The following RBFOX1 variants were observed in gnomAD, a reference collection of about 807,000 sequenced individuals.
RBFOX1 encodes the protein RNA binding fox-1 homolog 1.
In RBFOX1, 8 loss-of-function variants were observed where a neutral mutation model predicts 57.7. That is an observed-to-expected ratio of 0.14 (90% CI 0.08 to 0.25). RBFOX1 has a LOEUF of 0.25. RBFOX1 is among the 10% of genes least tolerant of loss of function. RBFOX1 has a pLI of 1.00. For synonymous variants in RBFOX1, 326 were observed against 222.4 expected (o/e 1.47, Z -4.15); for missense variants, 611 against 548.5 (o/e 1.11, Z -1.14).
rs368753156 is a variant in RBFOX1 at position 7,585,232 on chromosome 16, A to T, written c.415-2015A>T. ...AAAACTGGAGGTTTCTTTACTATGA[A>T]ATTCAGCTCACGTTTGAATGGCAAA... On this transcript the variant is annotated intron_variant, in intron 6 of 15. Transcript: ENST00000550418. 1.2e-4 allele frequency among the ~76,000 whole-genome samples: 19 copies of T among 152,236 alleles called. No individual in the cohort carries two copies. The East Asian group carries it at 3.1e-3, about 25-fold the overall frequency.
chr16:7,493,480 G>C (rs1037217241), intron 4 of RBFOX1, among the ~76,000 whole-genome samples: 1 of 152,196 alleles, frequency 6.6e-6, no homozygotes, highest in Admixed American at 6.5e-5. Context: ...TTTAAGTAAG[G>C]AGAATTATTT....
chr16:6,528,071 C>G (rs931418220), intron 2 of RBFOX1, among the ~76,000 whole-genome samples: 1 of 152,154 alleles, frequency 6.6e-6, no homozygotes, highest in Non-Finnish European at 1.5e-5. Flanking sequence ...CAAAGATCAA[C>G]AAAATCTTGT....
intron 4 of RBFOX1, among the ~76,000 whole-genome samples, chr16:7,246,971 C>G (rs568258562): frequency 2.6e-5 from 4 of 152,184 alleles, no homozygotes; most frequent in African/African-American, 7.2e-5. Flanking sequence ...TTAGGATACC[C>G]TATGTATTCT....
intron 3 of RBFOX1, among the ~76,000 whole-genome samples, chr16:6,839,370 G>C (rs1272070522): frequency 1.3e-5 from 2 of 152,194 alleles, no homozygotes; most frequent in Non-Finnish European, 2.9e-5. Flanking sequence ...TGGGCAGAAA[G>C]GCTGAGGTTA....
intron 3 of RBFOX1, among the ~76,000 whole-genome samples, chr16:5,673,001 G>T (rs1476533139): frequency 6.6e-6 from 1 of 151,998 alleles, no homozygotes; most frequent in Non-Finnish European, 1.5e-5. Context: ...AACGTGCTTG[G>T]CTGCAGAGAA....
At chr16:6,257,272 T>C (rs1598887510) in intron 1 of RBFOX1, among the ~76,000 whole-genome samples, 1 of 152,026 alleles carries the variant, frequency 6.6e-6, no homozygotes, top group South Asian at 2.1e-4. Context: ...CTCCCCATGA[T>C]GTATTTTATT....
intron 2 of RBFOX1, among the ~76,000 whole-genome samples, chr16:6,528,235 A>G (rs746218092): frequency 9.9e-5 from 15 of 152,168 alleles, no homozygotes; most frequent in Non-Finnish European, 1.9e-4. Context: ...TTTGATGCCA[A>G]TCCCATGGAA....
chr16:5,804,163 A>C (rs2055154259), intron 3 of RBFOX1, among the ~76,000 whole-genome samples: 1 of 152,226 alleles, frequency 6.6e-6, no homozygotes, highest in Admixed American at 6.5e-5. Context: ...GTGTCCTTCA[A>C]GAGAAGCATA....
intron 4 of RBFOX1, among the ~76,000 whole-genome samples, chr16:7,480,070 G>T (rs1157625740): frequency 6.6e-6 from 1 of 152,158 alleles, no homozygotes; most frequent in Non-Finnish European, 1.5e-5. Context: ...CTTCTGAATG[G>T]TCTATGTGAG....
At chr16:7,371,932 G>T (rs1043961661) in intron 4 of RBFOX1, among the ~76,000 whole-genome samples, 9 of 151,748 alleles carry the variant, frequency 5.9e-5, no homozygotes, top group Admixed American at 5.9e-4. Context: ...CTAGGTGGCT[G>T]TGACATACCT....
chr16:7,426,461 T>C (rs1370219995), intron 4 of RBFOX1, among the ~76,000 whole-genome samples: 1 of 152,186 alleles, frequency 6.6e-6, no homozygotes. Context: ...TAGCTAATGA[T>C]AGTTTTCAAG....
chr16:6,851,389 A>C (rs1273022261), intron 3 of RBFOX1, among the ~76,000 whole-genome samples: 1 of 152,188 alleles, frequency 6.6e-6, no homozygotes, highest in East Asian at 1.9e-4. Flanking sequence ...CCCCTGGAGC[A>C]ATAAGAGTAG....
intron 3 of RBFOX1, among the ~76,000 whole-genome samples, chr16:7,023,279 C>A (rs1028763756): frequency 1.3e-5 from 2 of 151,626 alleles, no homozygotes; most frequent in Non-Finnish European, 2.9e-5. Context: ...GAGTCCAAGA[C>A]CAGACCGCAT....
intron 1 of RBFOX1, among the ~76,000 whole-genome samples, chr16:5,283,430 C>T (rs2063319754): frequency 6.6e-6 from 1 of 152,128 alleles, no homozygotes; most frequent in Admixed American, 6.5e-5. Flanking sequence ...AAGCTGCAAA[C>T]ACTCAATGCC....
At chr16:6,708,508 C>T (rs555338538) in intron 3 of RBFOX1, among the ~76,000 whole-genome samples, 1 of 152,126 alleles carries the variant, frequency 6.6e-6, no homozygotes, top group Non-Finnish European at 1.5e-5. Flanking sequence ...CATCACGTTC[C>T]TCTTGCTCTT....
At chr16:5,891,806 G>A (rs2058050176) in intron 4 of RBFOX1, among the ~76,000 whole-genome samples, 1 of 152,172 alleles carries the variant, frequency 6.6e-6, no homozygotes, top group South Asian at 2.1e-4. Context: ...AGCCAGTGTG[G>A]TCAGCTGTTT....
intron 2 of RBFOX1, among the ~76,000 whole-genome samples, chr16:6,606,666 C>T (rs550297572): frequency 5.2e-4 from 79 of 152,162 alleles, no homozygotes; most frequent in South Asian, 8.3e-4. Flanking sequence ...CAGTTCCATC[C>T]ATGTCCCTGC....
At chr16:7,048,856 G>T (rs2048959794) in intron 3 of RBFOX1, among the ~76,000 whole-genome samples, 1 of 152,294 alleles carries the variant, frequency 6.6e-6, no homozygotes, top group East Asian at 1.9e-4. Context: ...CATGGAAGTT[G>T]TTGATATTTT....
chr16:7,197,377 T>C (rs2086974855), intron 4 of RBFOX1, among the ~76,000 whole-genome samples: 2 of 150,338 alleles, frequency 1.3e-5, no homozygotes, highest in Admixed American at 1.3e-4. Flanking sequence ...TCTGGAGTGA[T>C]GTTTTTCTTT....
Sources: allele counts gnomAD v4.1 joint callset (sites outside exome capture counted in the v4.1 genomes callset), GRCh38; gene constraint gnomAD v4.1.1; transcripts MANE v1.5; gene names NCBI Gene and HGNC (gene_info 2026-07-23, HGNC 2026-07-21).